GRHPR: variants seen among roughly 807,000 people sequenced by gnomAD.
GRHPR encodes glyoxylate and hydroxypyruvate reductase, also known as glyoxylate reductase/hydroxypyruvate reductase.
GRHPR carries 35 observed loss-of-function variants against 36.8 expected under a neutral mutation model. The observed-to-expected ratio is 0.95, with a 90% CI of 0.73 to 1.26. GRHPR has a LOEUF of 1.26. Among genes scored for constraint, GRHPR ranks in the 50% most tolerant of loss-of-function variants. The pLI, the probability that GRHPR is intolerant of heterozygous loss-of-function variation, is 0.00. For missense variants in GRHPR, 380 were observed against 435.0 expected (o/e 0.87, Z 1.12); for synonymous variants, 179 against 181.0 (o/e 0.99, Z 0.09).
intron 4 of GRHPR, 109 bp downstream of exon 4, chr9:37,426,763 C>A (rs951093244): frequency 8.5e-6 from 6 of 709,690 alleles, no homozygotes; most frequent in Admixed American, 2.0e-5. Context: ...GTCTGGCCAA[C>A]ATAGTGAAAC....
Position 37,430,613 on chromosome 9 carries a change from T to A in GRHPR, c.701T>A (p.Met234Lys), listed in dbSNP as rs143596402. Reference protein sequence around the residue: ...GLCNKDFFQKMKETAVFINIS... With the variant: ...GLCNKDFFQKKKETAVFINIS... Reference sequence around the variant, plus strand: ...TGCAACAAGGACTTCTTCCAGAAGATGAAGGAAACAGCTGTGTTCATCAAC... The same window carrying A: ...TGCAACAAGGACTTCTTCCAGAAGAAGAAGGAAACAGCTGTGTTCATCAAC... The change falls in exon 7 of 9, where the codon ATG becomes AAG. Residue 234 changes from methionine (M) to lysine (K), a missense_variant. Coordinates refer to ENST00000318158, the MANE Select transcript of GRHPR (RefSeq NM_012203.2). 6.2e-7 allele frequency: 1 copy of A among 1,613,894 alleles called. No individual in the cohort carries two copies. Among genetic ancestry groups the A allele is most frequent in the African/African-American group, 1.3e-5 (1 of 74,908 alleles).
chr9:37,430,207 T>A, intron 6 of GRHPR: 1 of 547,792 alleles, frequency 1.8e-6, no homozygotes, highest in Non-Finnish European at 3.3e-6. Flanking sequence ...CGCCCCTTAG[T>A]CCAGGCGGAT....
intron 8 of GRHPR, 89 bp downstream of exon 8, chr9:37,432,227 AGTGTGAGCAG>A (rs1209296358): frequency 2.3e-6 from 3 of 1,309,416 alleles, no homozygotes; most frequent in Non-Finnish European, 3.3e-6. Flanking sequence ...GTGTGGAGCT[AGTGTGAGCAG>A]GTGTTGAACC....
rs1213316949 is a variant in GRHPR at position 37,430,068 on chromosome 9, C to G, written c.598+232C>G. ...AGAGCAGTCCAGGGCTCCCGTCTTTCAGAGTCCTTTGTTACCATTCCCCAT... is the reference window on the plus strand; with the variant it reads ...AGAGCAGTCCAGGGCTCCCGTCTTTGAGAGTCCTTTGTTACCATTCCCCAT... On this transcript the variant is annotated intron_variant, in intron 6 of 8. Transcript: ENST00000318158. 9 of 586,596 alleles carry G rather than the reference C, an allele frequency of 1.5e-5. No individual in the cohort carries two copies. The Middle Eastern group carries it at 1.4e-3, about 89-fold the overall frequency. The allele number at this position is 586,596 out of a possible 1,614,324, so 36.3% of individuals were successfully genotyped here.
At chr9:37,431,915 A>C in intron 7 of GRHPR, 93 bp from the exon 8 acceptor site, 1 of 1,358,904 alleles carries the variant, frequency 7.4e-7, no homozygotes, top group South Asian at 1.2e-5. Flanking sequence ...GTGCCAAGTG[A>C]GTGGAAAAAT....
At position 37,436,922 on chromosome 9, in the gene GRHPR, T is replaced by C; in HGVS notation, c.*140T>C. ...AAAGAGTGATTCTGATATATGTACT[T>C]GTCACATTGGTGTTGGACACATTTG... On this transcript the variant is annotated 3_prime_UTR_variant, in exon 9 of 9. Coordinates refer to ENST00000318158, the MANE Select transcript of GRHPR (RefSeq NM_012203.2). The C allele has an allele frequency of 1.1e-6, 1 of 918,104 alleles. No individual in the cohort carries two copies. The highest frequency in any genetic ancestry group is 1.8e-6 in the Non-Finnish European group (1 of 561,122). The allele number at this position is 918,104 out of a possible 1,614,324, so 56.9% of individuals were successfully genotyped here.
At position 37,426,584 on chromosome 9, in the gene GRHPR, G is replaced by A. The variant is rs1209918450; in HGVS notation, c.334G>A (p.Ala112Thr). ...CCCAGATGTCCTGACAGATACCACC[G>A]CCGAACTCGCAGTCTCCCTGCTACT... is the stretch of plus-strand genomic sequence containing the variant. ...YTPDVLTDTTAELAVSLLLTT... is the reference protein window; with the variant it reads ...YTPDVLTDTTTELAVSLLLTT... Residue 112 changes from alanine (A) to threonine (T), a missense_variant, in exon 4 of 9, where the codon GCC becomes ACC. By Grantham distance (58) the Ala-to-Thr change is moderately conservative. Transcript: ENST00000318158. The A allele has an allele frequency of 2.5e-6, 4 of 1,613,790 alleles. No homozygotes were observed. Among genetic ancestry groups the A allele is most frequent in the African/African-American group, 1.3e-5 (1 of 74,894 alleles).
intron 8 of GRHPR, among the ~76,000 whole-genome samples, chr9:37,433,548 C>A (rs546946161): frequency 6.6e-6 from 1 of 152,014 alleles, no homozygotes; most frequent in Non-Finnish European, 1.5e-5. Context: ...CTTTTGAGTT[C>A]GTCAGAATCA....
intron 4 of GRHPR, chr9:37,427,757 GA>G (rs1284480212): frequency 4.0e-5 from 6 of 151,742 alleles, no homozygotes; most frequent in African/African-American, 1.2e-4. Context: ...AGGATTGCTT[GA>G]ACCCAGGAGG....
At chr9:37,430,281 C>A in intron 6 of GRHPR, 3 of 611,120 alleles carry the variant, frequency 4.9e-6, no homozygotes, top group Non-Finnish European at 8.9e-6. Flanking sequence ...GCATTCCCCA[C>A]GCCCCTGGGC....
At chr9:37,430,978 C>A in intron 7 of GRHPR, 1 of 497,290 alleles carries the variant, frequency 2.0e-6, no homozygotes, top group South Asian at 1.5e-5. Context: ...ACTTGAGGAT[C>A]TGAAGGGCCC....
At chr9:37,424,667 C>T (rs1822989336) in intron 1 of GRHPR, among the ~76,000 whole-genome samples, 178 bp from the exon 2 acceptor site, 1 of 152,030 alleles carries the variant, frequency 6.6e-6, no homozygotes, top group African/African-American at 2.4e-5. Flanking sequence ...CTCAGCCCTT[C>T]ACCTGTCACC....
At chr9:37,429,998 C>T (rs1424608135) in intron 6 of GRHPR, 162 bp downstream of exon 6, 7 of 680,954 alleles carry the variant, frequency 1.0e-5, no homozygotes, top group Non-Finnish European at 1.9e-5. Context: ...GACACTGGCC[C>T]ACTCAGGGAG....
intron 7 of GRHPR, 115 bp from the exon 8 acceptor site, chr9:37,431,893 C>A: frequency 1.8e-6 from 2 of 1,099,080 alleles, no homozygotes; most frequent in Non-Finnish European, 2.8e-6. Context: ...AGACTTACTG[C>A]TTTAAAAGTC....
intron 1 of GRHPR, among the ~76,000 whole-genome samples, chr9:37,423,619 C>T (rs1822944588): frequency 6.6e-6 from 1 of 152,030 alleles, no homozygotes; most frequent in Admixed American, 6.6e-5. Flanking sequence ...CTACTACAGG[C>T]ATGCACTACC....
chr9:37,422,572 C>G (rs1822875135), upstream of GRHPR: 3 of 652,368 alleles, frequency 4.6e-6, no homozygotes, highest in South Asian at 1.7e-5. Context: ...TGTCACTCCC[C>G]GAGCACGCAC....
chr9:37,432,276 TTTATG>T, intron 8 of GRHPR, 138 bp downstream of exon 8: 1 of 770,120 alleles, frequency 1.3e-6, no homozygotes, highest in Non-Finnish European at 2.3e-6. Context: ...ATCGTAAATG[TTTATG>T]TTGTCAGTGA....
rs58991793 is a variant in GRHPR, at chr9:37,426,950, C to CA, written c.404+307dup. On this transcript the variant is annotated intron_variant, in intron 4 of 8. Transcript: ENST00000318158. ...CAGGTGACGGTGTGAGACTCTGTCT[C>CA]AAAAAAAAAAAGAAAAATAAGTGAA... 0.55 allele frequency among the ~76,000 whole-genome samples: 80,499 copies of CA among 147,158 alleles called. 22,138 individuals are homozygous for CA. Among genetic ancestry groups the CA allele is most frequent in the Admixed American group, 0.64 (9,535 of 14,826 alleles).
intron 1 of GRHPR, 107 bp from the exon 2 acceptor site, chr9:37,424,738 C>G (rs556194315): frequency 3.7e-6 from 5 of 1,361,122 alleles, no homozygotes; most frequent in Non-Finnish European, 5.0e-6. Flanking sequence ...TCAGCCAGCC[C>G]CGGGCAGCCT....
Sources: gnomAD v4.1 joint callset for allele counts (sites outside exome capture counted in the v4.1 genomes callset) on GRCh38, gnomAD v4.1.1 for gene constraint, MANE v1.5 for transcripts, NCBI Gene and HGNC (gene_info 2026-07-23, HGNC 2026-07-21) for gene names.